The following STAMBPL1 variants were observed in gnomAD, a reference collection of about 807,000 sequenced individuals.
STAMBPL1 encodes the protein STAM binding protein like 1.
Under a neutral mutation model 52.9 loss-of-function variants are expected in STAMBPL1, and 44 were observed. The ratio of observed to expected loss-of-function variants is 0.83; its 90% CI spans 0.65 to 1.07. The LOEUF is 1.07. Among genes scored for constraint, STAMBPL1 ranks in the 50% least tolerant of loss-of-function variants. STAMBPL1 has a pLI of 0.00. For missense variants in STAMBPL1, 511 were observed against 520.8 expected (o/e 0.98, Z 0.18); for synonymous variants, 164 against 177.3 (o/e 0.92, Z 0.60).
intron 2 of STAMBPL1, 108 bp from the exon 3 acceptor site, chr10:88,905,335 A>T: frequency 1.2e-6 from 1 of 823,542 alleles, no homozygotes; most frequent in South Asian, 1.7e-5. Flanking sequence ...AGATTTCCTT[A>T]GGTAATGGTG....
chr10:88,909,663 G>A lies in STAMBPL1; in HGVS notation c.324+886G>A, dbSNP rs186177049. Among the ~76,000 whole-genome samples the A allele has an allele frequency of 7.5e-4, 114 of 152,138 alleles. 1 individual carries two copies. Among genetic ancestry groups the A allele is most frequent in the Middle Eastern group, 6.8e-3 (2 of 294 alleles). Reference sequence around the variant, plus strand: ...GTCACCTAGGCTGGAGTGAAGTGGCGCAATCTCGGCTCACTGCAACCCCCG... The same window carrying A: ...GTCACCTAGGCTGGAGTGAAGTGGCACAATCTCGGCTCACTGCAACCCCCG... On this transcript the variant is annotated intron_variant, in intron 4 of 10. Coordinates refer to ENST00000371926, the MANE Select transcript of STAMBPL1 (RefSeq NM_020799.4).
At chr10:88,896,319 T>C (rs145809858) in intron 1 of STAMBPL1, among the ~76,000 whole-genome samples, 1 of 152,336 alleles carries the variant, frequency 6.6e-6, no homozygotes, top group African/African-American at 2.4e-5. Flanking sequence ...CTAGATTTAT[T>C]TATTTTTCCT....
chr10:88,896,760 A>T (rs1284086191), intron 1 of STAMBPL1, among the ~76,000 whole-genome samples: 2 of 152,110 alleles, frequency 1.3e-5, no homozygotes, highest in African/African-American at 4.8e-5. Flanking sequence ...CCTGGTAATC[A>T]TCTGCTTTCT....
intron 1 of STAMBPL1, among the ~76,000 whole-genome samples, chr10:88,888,004 T>G (rs1442977400): frequency 6.6e-6 from 1 of 152,240 alleles, no homozygotes; most frequent in African/African-American, 2.4e-5. Context: ...AATATATATG[T>G]CAGTGCTGCC....
chr10:88,915,911 G>C (rs1205450692), intron 7 of STAMBPL1, among the ~76,000 whole-genome samples: 1 of 152,162 alleles, frequency 6.6e-6, no homozygotes, highest in Non-Finnish European at 1.5e-5. Flanking sequence ...GCAGTGCATA[G>C]TGTGCAGGAA....
intron 1 of STAMBPL1, among the ~76,000 whole-genome samples, chr10:88,885,169 C>G (rs1338043888): frequency 1.3e-5 from 2 of 152,118 alleles, no homozygotes; most frequent in Non-Finnish European, 2.9e-5. Flanking sequence ...CAATATGACT[C>G]CAACACCTAT....
intron 1 of STAMBPL1, among the ~76,000 whole-genome samples, chr10:88,890,423 C>T (rs78741153): frequency 0.021 from 3,239 of 152,298 alleles, 82 homozygotes; most frequent in African/African-American, 0.062. Flanking sequence ...TCTAGCAATG[C>T]AGGCAGAGAA....
intron 1 of STAMBPL1, among the ~76,000 whole-genome samples, chr10:88,885,060 C>G (rs1179854622): frequency 6.6e-6 from 1 of 152,144 alleles, no homozygotes; most frequent in East Asian, 1.9e-4. Context: ...AACCTTATGC[C>G]TAAGTACCAT....
chr10:88,894,577 C>T (rs918352601), intron 1 of STAMBPL1, among the ~76,000 whole-genome samples: 1 of 152,188 alleles, frequency 6.6e-6, no homozygotes, highest in African/African-American at 2.4e-5. Context: ...CTAGTCTATA[C>T]TTTCATTCTG....
At chr10:88,916,421 A>G (rs558094163) in intron 7 of STAMBPL1, among the ~76,000 whole-genome samples, 1 of 151,464 alleles carries the variant, frequency 6.6e-6, no homozygotes, top group Admixed American at 6.6e-5. Flanking sequence ...TATGTTTTCT[A>G]TTGTGAAACT....
chr10:88,882,558 G>A (rs1271962703), intron 1 of STAMBPL1: 1 of 152,210 alleles, frequency 6.6e-6, no homozygotes, highest in African/African-American at 2.4e-5. Context: ...CAAAACATGA[G>A]AAGTAGAAGG....
intron 1 of STAMBPL1, among the ~76,000 whole-genome samples, chr10:88,881,736 C>T (rs977276830): frequency 1.3e-5 from 2 of 152,166 alleles, no homozygotes; most frequent in Admixed American, 6.5e-5. Context: ...AATTAAGCCA[C>T]CGTGTTTTGT....
At chr10:88,919,296 A>G (rs4934429) in intron 8 of STAMBPL1, among the ~76,000 whole-genome samples, 92,583 of 151,974 alleles carry the variant, frequency 0.61, 28,889 homozygotes, top group East Asian at 0.9. Context: ...ATGACTCATG[A>G]AAAGTGATTA....
chr10:88,911,040 G>A, intron 5 of STAMBPL1, 29 bp downstream of exon 5: 1 of 1,379,860 alleles, frequency 7.2e-7, no homozygotes, highest in Non-Finnish European at 9.9e-7. Context: ...TTTATTTCAT[G>A]ACTATTTTAT....
intron 1 of STAMBPL1, among the ~76,000 whole-genome samples, chr10:88,899,553 A>G (rs1193935243): frequency 6.6e-6 from 1 of 152,212 alleles, no homozygotes; most frequent in Non-Finnish European, 1.5e-5. Context: ...TCTGTCACCC[A>G]GGCTAGAGTG....
At chr10:88,894,346 A>G (rs888042618) in intron 1 of STAMBPL1, among the ~76,000 whole-genome samples, 1 of 151,530 alleles carries the variant, frequency 6.6e-6, no homozygotes, top group African/African-American at 2.4e-5. Context: ...CATTCTGCTA[A>G]TGGTACCTAT....
chr10:88,922,298 T>G, intron 9 of STAMBPL1, 39 bp from the exon 10 acceptor site: 1 of 1,597,122 alleles, frequency 6.3e-7, no homozygotes, highest in Non-Finnish European at 8.6e-7. Flanking sequence ...GCCCAAATGA[T>G]CCTTAATTTT....
At position 88,914,677 on chromosome 10, in the gene STAMBPL1, AAT is replaced by A. The variant is rs6144018; in HGVS notation, c.903+36_903+37del. Reference sequence around the variant, plus strand: ...AAAACTGGTATGATCTTTTTATATAAATATATATATATATATATCTGCATAGG... The same window carrying A: ...AAAACTGGTATGATCTTTTTATATAAATATATATATATATATCTGCATAGG... On this transcript the variant is annotated intron_variant, in intron 7 of 10. Coordinates refer to ENST00000371926, the MANE Select transcript of STAMBPL1 (RefSeq NM_020799.4). 0.017 allele frequency: 14,139 copies of A among 818,956 alleles called. No homozygotes were observed. Among genetic ancestry groups the A allele is most frequent in the Middle Eastern group, 0.023 (59 of 2,524 alleles). The allele number at this position is 818,956 out of a possible 1,614,324, so 50.7% of individuals were successfully genotyped here.
intron 1 of STAMBPL1, among the ~76,000 whole-genome samples, chr10:88,890,417 G>A (rs1008584238): frequency 6.6e-6 from 1 of 152,194 alleles, no homozygotes; most frequent in Non-Finnish European, 1.5e-5. Context: ...GGCAGTTCTA[G>A]CAATGCAGGC....
Sources: gnomAD v4.1 joint callset for allele counts (sites outside exome capture counted in the v4.1 genomes callset) on GRCh38, gnomAD v4.1.1 for gene constraint, MANE v1.5 for transcripts, NCBI Gene and HGNC (gene_info 2026-07-23, HGNC 2026-07-21) for gene names.